GPC6: variants seen among roughly 807,000 people sequenced by gnomAD.
GPC6 encodes glypican-6.
Under a neutral mutation model 55.2 loss-of-function variants are expected in GPC6, and 14 were observed. The ratio of observed to expected loss-of-function variants is 0.25; its 90% CI spans 0.17 to 0.40. The LOEUF (loss-of-function observed/expected upper bound fraction) is 0.40. Among genes scored for constraint, GPC6 ranks in the 10% least tolerant of loss-of-function variants. The pLI is 1.00. For missense variants in GPC6, 641 were observed against 708.5 expected, an observed-to-expected ratio of 0.90 and a Z score of 1.08; for synonymous variants, 278 against 259.6, an observed-to-expected ratio of 1.07 and a Z score of -0.68.
intron 4 of GPC6, among the ~76,000 whole-genome samples, chr13:94,196,410 T>C (rs1889578496): frequency 6.6e-6 from 1 of 152,168 alleles, no homozygotes; most frequent in Non-Finnish European, 1.5e-5. Context: ...TAACTGTCAT[T>C]AATCTGTGAC....
chr13:93,564,141 C>T (rs917717762), intron 2 of GPC6, among the ~76,000 whole-genome samples: 11 of 151,948 alleles, frequency 7.2e-5, no homozygotes, highest in South Asian at 4.2e-4. Flanking sequence ...TACATGATAA[C>T]GTTTCCATTA....
intron 3 of GPC6, among the ~76,000 whole-genome samples, chr13:93,943,070 A>T (rs183371674): frequency 6.6e-6 from 1 of 152,256 alleles, no homozygotes; most frequent in African/African-American, 2.4e-5. Flanking sequence ...GCTTTTCAAT[A>T]GCACTTTATT....
intron 3 of GPC6, among the ~76,000 whole-genome samples, chr13:93,951,481 A>G (rs1165000582): frequency 6.6e-6 from 1 of 152,190 alleles, no homozygotes; most frequent in Non-Finnish European, 1.5e-5. Context: ...TGAATGAATG[A>G]ATGAATGCTT....
At chr13:93,617,818 AAC>A (rs1878787563) in intron 2 of GPC6, among the ~76,000 whole-genome samples, 1 of 152,108 alleles carries the variant, frequency 6.6e-6, no homozygotes, top group African/African-American at 2.4e-5. Context: ...AAATGGTTAT[AAC>A]ACATGCCTTA....
In GPC6 at chr13:93,937,434, G is replaced by A. The variant is rs1412306663; in HGVS notation, c.712-90295G>A. Among the ~76,000 whole-genome samples, 3 of 151,974 alleles carry A rather than the reference G, an allele frequency of 2.0e-5. No homozygotes were observed. In the East Asian group the frequency reaches 5.8e-4, roughly 29 times the overall value. On this transcript the variant is annotated intron_variant, in intron 3 of 8. Coordinates refer to ENST00000377047, the MANE Select transcript of GPC6 (RefSeq NM_005708.5). ...TAGACACATGGAGGAATGTCTTCTG[G>A]GACATAACTGGGACATATCTGAATT...
At chr13:93,600,149 C>G (rs1038717934) in intron 2 of GPC6, among the ~76,000 whole-genome samples, 13 of 152,146 alleles carry the variant, frequency 8.5e-5, no homozygotes, top group African/African-American at 2.9e-4. Context: ...AACAAATAAT[C>G]AAGTACTAAA....
intron 2 of GPC6, 26 bp from the exon 3 acceptor site, chr13:93,830,128 A>G (rs745533044): frequency 6.3e-7 from 1 of 1,589,914 alleles, no homozygotes. Flanking sequence ...TCATTAATTT[A>G]TGACTTCTTT....
At chr13:93,940,906 TTAA>T (rs1200674476) in intron 3 of GPC6, among the ~76,000 whole-genome samples, 1 of 152,214 alleles carries the variant, frequency 6.6e-6, no homozygotes, top group East Asian at 1.9e-4. Context: ...TGACTTTATA[TTAA>T]TAATTGCTGA....
At chr13:94,401,952 A>T (rs11842668) in intron 8 of GPC6, among the ~76,000 whole-genome samples, 2,195 of 147,692 alleles carry the variant, frequency 0.015, 39 homozygotes, top group Non-Finnish European at 0.02. Context: ...ATTGATAGAT[A>T]GATAGATAGA....
chr13:93,469,078 G>A (rs76385299), intron 1 of GPC6, among the ~76,000 whole-genome samples: 75 of 152,156 alleles, frequency 4.9e-4, no homozygotes, highest in African/African-American at 1.4e-3. Flanking sequence ...TAGATTTTGC[G>A]CTTTGCAGCT....
chr13:93,319,308 T>A (rs1213637754), intron 1 of GPC6, among the ~76,000 whole-genome samples: 1 of 152,094 alleles, frequency 6.6e-6, no homozygotes, highest in Non-Finnish European at 1.5e-5. Context: ...ACCAAGTGTT[T>A]GGAGTGTGCT....
At chr13:94,369,302 A>T (rs1052398078) in intron 6 of GPC6, among the ~76,000 whole-genome samples, 4 of 152,172 alleles carry the variant, frequency 2.6e-5, no homozygotes, top group Non-Finnish European at 4.4e-5. Flanking sequence ...ATTGAGGGAA[A>T]ATGGCAGGTG....
chr13:93,271,392 A>T (rs1003382562), intron 1 of GPC6, among the ~76,000 whole-genome samples: 1 of 152,068 alleles, frequency 6.6e-6, no homozygotes, highest in Non-Finnish European at 1.5e-5. Flanking sequence ...CTGAAGAAAA[A>T]CTTTTCATTC....
intron 6 of GPC6, among the ~76,000 whole-genome samples, chr13:94,372,690 C>A (rs1879623062): frequency 6.6e-6 from 1 of 152,218 alleles, no homozygotes; most frequent in Non-Finnish European, 1.5e-5. Context: ...AGCCTGGAAG[C>A]TCGAACTGGG....
intron 5 of GPC6, among the ~76,000 whole-genome samples, chr13:94,294,786 G>GT (rs569828457): frequency 1.3e-5 from 2 of 152,102 alleles, no homozygotes; most frequent in Middle Eastern, 3.2e-3. Context: ...TCATTTATCT[G>GT]TTTTTTCCTT....
intron 2 of GPC6, among the ~76,000 whole-genome samples, chr13:93,601,487 G>A (rs1003641132): frequency 1.3e-5 from 2 of 152,106 alleles, no homozygotes; most frequent in African/African-American, 2.4e-5. Context: ...ATCAGTTAAT[G>A]GATTCTCCTC....
At chr13:94,398,445 C>T in intron 7 of GPC6, 21 bp from the exon 8 acceptor site, 1 of 1,590,562 alleles carries the variant, frequency 6.3e-7, no homozygotes, top group East Asian at 2.2e-5. Context: ...CTGAGGTGTT[C>T]TCTCACTCTC....
intron 4 of GPC6, among the ~76,000 whole-genome samples, chr13:94,103,960 T>C (rs1020524646): frequency 7.2e-5 from 11 of 152,200 alleles, no homozygotes; most frequent in African/African-American, 2.4e-4. Flanking sequence ...TCCTTGTCCA[T>C]GCCTATGTCC....
At chr13:94,266,222 G>A (rs960639929) in intron 4 of GPC6, among the ~76,000 whole-genome samples, 7 of 151,388 alleles carry the variant, frequency 4.6e-5, no homozygotes, top group Non-Finnish European at 1.0e-4. Flanking sequence ...AGGCTGGAGT[G>A]CAGTGGCACG....
Sources: allele counts gnomAD v4.1 joint callset (sites outside exome capture counted in the v4.1 genomes callset), GRCh38; gene constraint gnomAD v4.1.1; transcripts MANE v1.5; gene names NCBI Gene and HGNC (gene_info 2026-07-23, HGNC 2026-07-21).